WNT5B: variants seen among roughly 807,000 people sequenced by gnomAD.
The protein encoded by WNT5B is Wnt family member 5B.
A neutral mutation model predicts 36.5 loss-of-function variants in WNT5B; 18 were observed. The ratio of observed to expected loss-of-function variants is 0.49; its 90% CI spans 0.34 to 0.73. The LOEUF (loss-of-function observed/expected upper bound fraction) is 0.73. Among genes scored for constraint, WNT5B ranks in the 30% least tolerant of loss-of-function variants. The probability of loss-of-function intolerance (pLI) is 0.01; values close to 1 mark genes in which losing one functional copy is unlikely to be tolerated. For synonymous variants in WNT5B, 213 were observed against 212.3 expected, an observed-to-expected ratio of 1.00 and a Z score of -0.03; for missense variants, 424 against 508.4, an observed-to-expected ratio of 0.83 and a Z score of 1.60.
intron 1 of WNT5B, among the ~76,000 whole-genome samples, chr12:1,619,748 C>T (rs887226791): frequency 3.3e-5 from 5 of 152,080 alleles, no homozygotes; most frequent in African/African-American, 4.8e-5. Context: ...CCTGGCGTAG[C>T]GGCTGCCATT....
In WNT5B at chr12:1,630,376, C is replaced by T. The variant is rs1025348780; in HGVS notation, c.-57-922C>T. On this transcript the variant is annotated intron_variant, in intron 1 of 4. Transcript: ENST00000397196. This position sits in a 1 kb window ranked among gnomAD's most constrained non-coding sequence, Gnocchi z 5.3. ...TGCTGCGGGTCCCAGGGCCTGGGGA[C>T]AGGGGCTCTCGGGGGCGGATAGAGG... is the stretch of plus-strand genomic sequence containing the variant. 1.0e-5 allele frequency: 4 copies of T among 397,650 alleles called. No individual in the cohort carries two copies. Among genetic ancestry groups the T allele is most frequent in the Non-Finnish European group, 1.0e-5 (3 of 292,432 alleles). 24.6% of individuals were successfully genotyped at this position (397,650 alleles called of 1,614,324 possible).
rs2094552972 is a variant in WNT5B, at chr12:1,632,623, G to T, written c.81-35G>T. ...GCACACAGGCGTATGCTCACTCCTG[G>T]GCCTTTTTTTCCCCTTTCTGGATTG... On this transcript the variant is annotated intron_variant, in intron 2 of 4. Transcript: ENST00000397196. The surrounding 1 kb of genome is among the most constrained non-coding windows in gnomAD (Gnocchi z 5.8). 2 of 1,578,322 alleles carry T rather than the reference G, an allele frequency of 1.3e-6. No homozygotes were observed. Among genetic ancestry groups the T allele is most frequent in the Non-Finnish European group, 1.7e-6 (2 of 1,155,544 alleles).
At position 1,623,186 on chromosome 12, in the gene WNT5B, T is replaced by TG. The variant is rs1565603157; in HGVS notation, c.-58+6044dup. Among the ~76,000 whole-genome samples the TG allele has an allele frequency of 3.6e-4, 47 of 129,986 alleles. 3 individuals carry two copies. The highest frequency in any genetic ancestry group is 1.4e-3 in the African/African-American group (45 of 31,522). 85.3% of individuals were successfully genotyped at this position (129,986 alleles called of 152,430 possible). On this transcript the variant is annotated intron_variant, in intron 1 of 4. Transcript: ENST00000310594. ...AGGAAACCTTTGAAGGGTTTTTTGT[T>TG]GTTTTTTTTTTTTTTTTTTTTTTTT...
intron 4 of WNT5B, among the ~76,000 whole-genome samples, chr12:1,641,385 C>T (rs202211141): frequency 2.0e-5 from 2 of 100,972 alleles, no homozygotes; most frequent in Non-Finnish European, 4.3e-5. Flanking sequence ...GACTCCATCT[C>T]AAAAAAAAAA....
intron 4 of WNT5B, among the ~76,000 whole-genome samples, chr12:1,641,716 A>G (rs2094575695): frequency 6.6e-6 from 1 of 151,976 alleles, no homozygotes; most frequent in African/African-American, 2.4e-5. Context: ...AGGCAGGAGA[A>G]TTGCTTGAGC....
At position 1,630,204 on chromosome 12, in the gene WNT5B, G is replaced by C; in HGVS notation, c.-58+833G>C. On this transcript the variant is annotated intron_variant, in intron 1 of 4. Coordinates refer to ENST00000397196, the MANE Select transcript of WNT5B (RefSeq NM_032642.3). The surrounding 1 kb of genome is among the most constrained non-coding windows in gnomAD (Gnocchi z 5.3). ...CGCGAGAGTGGCGCAGTGAGCCGGG[G>C]CGCGCGGGGCTGCGCTCGTCAGGTC... 1.0e-6 allele frequency: 1 copy of C among 985,414 alleles called. No individual in the cohort carries two copies. Among genetic ancestry groups the C allele is most frequent in the Non-Finnish European group, 1.2e-6 (1 of 829,938 alleles). 61.0% of individuals were successfully genotyped at this position (985,414 alleles called of 1,614,324 possible).
rs369974809 is a variant in WNT5B, at chr12:1,639,745, C to T, written c.390C>T (p.Ser130=). The T allele has an allele frequency of 9.1e-5, 146 of 1,602,354 alleles. No individual in the cohort carries two copies. The highest frequency in any genetic ancestry group is 1.2e-4 in the Non-Finnish European group (142 of 1,174,790). ...VSAAGVVNAI[S]RACREGELST... is the part of the protein sequence containing the mutation. Reference sequence around the variant, plus strand: ...CCGCGGGCGTGGTCAACGCCATCAGCCGGGCCTGCCGCGAGGGCGAGCTCT... The same window carrying T: ...CCGCGGGCGTGGTCAACGCCATCAGTCGGGCCTGCCGCGAGGGCGAGCTCT... Residue 130 remains serine, a synonymous_variant, in exon 4 of 5, where the codon AGC becomes AGT. Transcript: ENST00000397196.
At chr12:1,640,459 C>G (rs1397575794) in intron 4 of WNT5B, among the ~76,000 whole-genome samples, 3 of 152,316 alleles carry the variant, frequency 2.0e-5, no homozygotes, top group African/African-American at 4.8e-5. Flanking sequence ...AAAACACATT[C>G]AAATACTAAT....
chr12:1,617,877 G>C (rs1233052227), intron 1 of WNT5B, among the ~76,000 whole-genome samples: 2 of 152,118 alleles, frequency 1.3e-5, no homozygotes, highest in African/African-American at 4.8e-5. Flanking sequence ...AGTGGCTCAT[G>C]CTTGTAATCG....
intron 1 of WNT5B, 164 bp from the exon 2 acceptor site, chr12:1,631,134 G>A: frequency 1.9e-6 from 1 of 519,744 alleles, no homozygotes; most frequent in Non-Finnish European, 3.3e-6. Context: ...TCCTAGGGTG[G>A]GAAGATGAGC....
intron 4 of WNT5B, among the ~76,000 whole-genome samples, chr12:1,640,429 C>T (rs1205617132): frequency 6.6e-6 from 1 of 152,146 alleles, no homozygotes; most frequent in African/African-American, 2.4e-5. Context: ...TGCTGTCATA[C>T]GTATCCAGAA....
At chr12:1,619,604 C>A (rs528127463) in intron 1 of WNT5B, among the ~76,000 whole-genome samples, 2 of 152,102 alleles carry the variant, frequency 1.3e-5, no homozygotes, top group African/African-American at 4.8e-5. Context: ...GAAAAAAATT[C>A]ATGCAAGAGA....
intron 4 of WNT5B, among the ~76,000 whole-genome samples, chr12:1,642,321 C>G (rs16928611): frequency 0.017 from 2,592 of 152,282 alleles, 30 homozygotes; most frequent in Middle Eastern, 0.024. Flanking sequence ...CAGAGTCGAT[C>G]CAGTTTTTGA....
rs771500550 is a variant in WNT5B at position 1,623,187 on chromosome 12, GTTTTTTTTTTTTT to G, written c.-58+6058_-58+6070del. On this transcript the variant is annotated intron_variant, in intron 1 of 4. Transcript: ENST00000310594. ...GGAAACCTTTGAAGGGTTTTTTGTT[GTTTTTTTTTTTTT>G]TTTTTTTTTTTTTGAGACGGAGTCT... 3.0e-3 allele frequency among the ~76,000 whole-genome samples: 174 copies of G among 58,384 alleles called. 7 individuals are homozygous for G. Among genetic ancestry groups the G allele is most frequent in the Non-Finnish European group, 2.3e-3 (72 of 31,502 alleles). 38.3% of individuals were successfully genotyped at this position (58,384 alleles called of 152,430 possible).
At chr12:1,640,785 C>G (rs1436413731) in intron 4 of WNT5B, among the ~76,000 whole-genome samples, 4 of 152,246 alleles carry the variant, frequency 2.6e-5, no homozygotes, top group African/African-American at 4.8e-5. Context: ...TTGCTGTCCC[C>G]CATCGTGGCT....
intron 3 of WNT5B, among the ~76,000 whole-genome samples, chr12:1,638,448 C>T (rs770197633): frequency 1.3e-5 from 2 of 152,170 alleles, no homozygotes; most frequent in Non-Finnish European, 2.9e-5. Flanking sequence ...ACCATTCCCA[C>T]CCACAGTATG....
Position 1,631,285 on chromosome 12 carries a change from C to T in WNT5B, c.-57-13C>T, listed in dbSNP as rs1342348640. ...GAGTTTCCACACTGACTCTCCATTT[C>T]TGTTTTCTCCAGGGAACCCTACTCT... On this transcript the variant is annotated splice_polypyrimidine_tract_variant and intron_variant, in intron 1 of 4. Coordinates refer to ENST00000397196, the MANE Select transcript of WNT5B (RefSeq NM_032642.3). 8 of 1,594,728 alleles carry T rather than the reference C, an allele frequency of 5.0e-6. No individual in the cohort carries two copies. Among genetic ancestry groups the T allele is most frequent in the Non-Finnish European group, 6.8e-6 (8 of 1,168,514 alleles).
chr12:1,635,210 A>G lies in WNT5B; in HGVS notation c.328+2305A>G, dbSNP rs911094363. ...CACCGGAGGACAAATCAGGATCCCA[A>G]ACAGTCATGATAGGTTCGAACTGTC... On this transcript the variant is annotated intron_variant, in intron 3 of 4. Transcript: ENST00000397196. Among the ~76,000 whole-genome samples the G allele has an allele frequency of 5.9e-5, 9 of 152,188 alleles. 1 individual carries two copies. The highest frequency in any genetic ancestry group is 1.9e-4 in the African/African-American group (8 of 41,448).
chr12:1,638,000 G>A (rs1001600006), intron 3 of WNT5B, among the ~76,000 whole-genome samples: 1 of 152,182 alleles, frequency 6.6e-6, no homozygotes, highest in African/African-American at 2.4e-5. Flanking sequence ...TCTAATCCCA[G>A]CACTTTGGGA....
Sources: gnomAD v4.1 joint callset for allele counts (sites outside exome capture counted in the v4.1 genomes callset) on GRCh38, gnomAD v4.1.1 for gene constraint, Gnocchi (gnomAD v3.1) non-coding constraint, MANE v1.5 for transcripts, NCBI Gene and HGNC (gene_info 2026-07-23, HGNC 2026-07-21) for gene names.